Variants in RGL4 observed in about 807,000 individuals in gnomAD.
RGL4 encodes ral-GDS-related protein.
In RGL4, 41 loss-of-function variants were observed where a neutral mutation model predicts 49.6. The ratio of observed to expected loss-of-function variants is 0.83; its 90% CI spans 0.64 to 1.07. The LOEUF (loss-of-function observed/expected upper bound fraction) is 1.07, where lower values mean the gene tolerates loss of function less well. RGL4 is among the 50% of genes least tolerant of loss of function. The pLI is 0.00. For missense variants in RGL4, 610 were observed against 591.9 expected, an observed-to-expected ratio of 1.03 and a Z score of -0.32; for synonymous variants, 255 against 238.0, an observed-to-expected ratio of 1.07 and a Z score of -0.66.
At chr22:23,697,724 C>T (rs538931811) in intron 8 of RGL4, 114 bp from the exon 9 acceptor site, 47 of 1,165,328 alleles carry the variant, frequency 4.0e-5, no homozygotes, top group Non-Finnish European at 5.4e-5. Flanking sequence ...CAAGTCCTGT[C>T]GTGTGCACAT....
At position 23,698,991 on chromosome 22, in the gene RGL4, A is replaced by G; in HGVS notation, c.*108A>G. 1 of 1,557,772 alleles carries G rather than the reference A, an allele frequency of 6.4e-7. No homozygotes were observed. Among genetic ancestry groups the G allele is most frequent in the Non-Finnish European group, 8.7e-7 (1 of 1,150,444 alleles). ...TAGACACCAGGGAACCACATCTAGG[A>G]GGCTGGCAGCTCAGCTGCATCTTGC... On this transcript the variant is annotated 3_prime_UTR_variant, in exon 11 of 11. Coordinates refer to ENST00000290691, the MANE Select transcript of RGL4 (RefSeq NM_153615.2).
In RGL4 at chr22:23,698,885, C is replaced by T. The variant is rs758034225; in HGVS notation, c.*2C>T. On this transcript the variant is annotated 3_prime_UTR_variant, in exon 11 of 11. Transcript: ENST00000290691. ...CAGCTGGAGCCCGAAAACCCGTAGG[C>T]TGGCAACATCCTGCAGTGGCTGGGA... 4 of 1,612,786 alleles carry T rather than the reference C, an allele frequency of 2.5e-6. No individual in the cohort carries two copies. The highest frequency in any genetic ancestry group is 3.4e-6 in the Non-Finnish European group (4 of 1,179,506).
At chr22:23,692,283 G>T in intron 1 of RGL4, 52 bp from the exon 2 acceptor site, 1 of 1,608,794 alleles carries the variant, frequency 6.2e-7, no homozygotes, top group South Asian at 1.1e-5. Flanking sequence ...GCCCTGGAGG[G>T]TTGTGTGGGA....
chr22:23,695,084 A>C (rs773579201), intron 6 of RGL4, 65 bp downstream of exon 6: 17 of 1,219,728 alleles, frequency 1.4e-5, no homozygotes, highest in Non-Finnish European at 2.1e-5. Context: ...TGAGTTTGGA[A>C]GGGCATTGGA....
intron 6 of RGL4, among the ~76,000 whole-genome samples, chr22:23,695,848 C>T (rs1032496982): frequency 1.3e-5 from 2 of 152,172 alleles, no homozygotes; most frequent in South Asian, 2.1e-4. Flanking sequence ...TCAGAGATGG[C>T]GCATCAGGAG....
chr22:23,698,016 T>C (rs941591704), intron 9 of RGL4, 155 bp downstream of exon 9: 1 of 1,178,680 alleles, frequency 8.5e-7, no homozygotes, highest in African/African-American at 1.5e-5. Context: ...CAGGAGAAAA[T>C]GGGAAAAGCA....
intron 5 of RGL4, 46 bp downstream of exon 5, chr22:23,694,496 C>A: frequency 1.6e-6 from 2 of 1,287,186 alleles, no homozygotes; most frequent in Non-Finnish European, 2.2e-6. Flanking sequence ...GACCTAGGGA[C>A]TCACAGGTCT....
At chr22:23,696,315 G>C in intron 6 of RGL4, 1 of 1,325,062 alleles carries the variant, frequency 7.5e-7, no homozygotes, top group Non-Finnish European at 9.8e-7. Context: ...GCTCGTGCCT[G>C]GTTCTTCCTC....
At chr22:23,693,061 C>A (rs902879584) in intron 3 of RGL4, 70 bp downstream of exon 3, 1 of 1,501,796 alleles carries the variant, frequency 6.7e-7, no homozygotes, top group African/African-American at 1.4e-5. Context: ...CCCTGAGGAG[C>A]AGCCAATGCC....
chr22:23,693,352 T>C (rs1391440436), intron 3 of RGL4, among the ~76,000 whole-genome samples: 3 of 152,066 alleles, frequency 2.0e-5, no homozygotes, highest in African/African-American at 4.8e-5. Context: ...CTGGATTCTA[T>C]GGTAGACACC....
At chr22:23,694,200 G>C (rs537236982) in intron 4 of RGL4, 147 bp from the exon 5 acceptor site, 8 of 734,174 alleles carry the variant, frequency 1.1e-5, no homozygotes, top group African/African-American at 1.0e-4. Context: ...TCCTAGATGA[G>C]TGACATCCAC....
intron 8 of RGL4, 87 bp from the exon 9 acceptor site, chr22:23,697,751 C>T (rs887290411): frequency 4.2e-6 from 6 of 1,432,512 alleles, no homozygotes; most frequent in Non-Finnish European, 4.8e-6. Context: ...ACCCTGGTGG[C>T]CCTGGCAGTA....
At chr22:23,698,623 C>A (rs762031588) in intron 10 of RGL4, 2 of 740,222 alleles carry the variant, frequency 2.7e-6, no homozygotes, top group African/African-American at 3.4e-5. Context: ...CCACCTCAGC[C>A]TCCCAAAGTA....
rs1923229325 is a variant in RGL4 at position 23,692,857 on chromosome 22, C to G, written c.562C>G (p.Leu188Val). The G allele has an allele frequency of 6.2e-6, 10 of 1,613,554 alleles. No homozygotes were observed. Among genetic ancestry groups the G allele is most frequent in the Non-Finnish European group, 7.6e-6 (9 of 1,180,014 alleles). The change falls in exon 3 of 11, where the codon CTG (leucine) becomes GTG (valine). Residue 188 changes from leucine to valine, a missense_variant. Coordinates refer to ENST00000290691, the MANE Select transcript of RGL4 (RefSeq NM_153615.2). ...GGAAGGGCCCCCTCCAGGGACAGTGCTGGAGCCACAGTCAGCCCCAGAGTC... is the reference window on the plus strand; with the variant it reads ...GGAAGGGCCCCCTCCAGGGACAGTGGTGGAGCCACAGTCAGCCCCAGAGTC... ...PGEGPPPGTVLEPQSAPESSC... is the reference protein window; with the variant it reads ...PGEGPPPGTVVEPQSAPESSC...
intron 6 of RGL4, chr22:23,696,191 A>C (rs1385670122): frequency 7.7e-6 from 6 of 783,512 alleles, no homozygotes; most frequent in Non-Finnish European, 1.0e-5. Context: ...CTGGGGAGCC[A>C]CTGCCCGCTC....
rs371016621 is a variant in RGL4, at chr22:23,697,922, T to C, written c.1260+61T>C. On this transcript the variant is annotated intron_variant, in intron 9 of 10. Coordinates refer to ENST00000290691, the MANE Select transcript of RGL4 (RefSeq NM_153615.2). Reference sequence around the variant, plus strand: ...GGGATGTGGACGTCACAGTCCACCCTGGGCAGGACACTCCCTGGCTCCATC... The same window carrying C: ...GGGATGTGGACGTCACAGTCCACCCCGGGCAGGACACTCCCTGGCTCCATC... 8.4e-5 allele frequency: 131 copies of C among 1,556,030 alleles called. 3 individuals are homozygous for C. The South Asian group carries it at 1.4e-3, about 16-fold the overall frequency.
chr22:23,698,746 G>C (rs1387612217), intron 10 of RGL4, 98 bp from the exon 11 acceptor site: 9 of 1,411,430 alleles, frequency 6.4e-6, no homozygotes, highest in Non-Finnish European at 7.6e-6. Flanking sequence ...CTGTTGCATG[G>C]GGACCACTGG....
chr22:23,692,891 C>T lies in RGL4; in HGVS notation c.596C>T (p.Pro199Leu). 6.2e-7 allele frequency: 1 copy of T among 1,613,654 alleles called. No homozygotes were observed. The highest frequency in any genetic ancestry group is 8.5e-7 in the Non-Finnish European group (1 of 1,180,032). ...CAGTCAGCCCCAGAGTCCTCCTGTCCCTGTCGTGGGTCTGTAAAGAACCAA... is the reference window on the plus strand; with the variant it reads ...CAGTCAGCCCCAGAGTCCTCCTGTCTCTGTCGTGGGTCTGTAAAGAACCAA... ...EPQSAPESSC[P>L]CRGSVKNQPS... Residue 199 changes from proline to leucine, a missense_variant, in exon 3 of 11, where the codon CCC (proline) becomes CTC (leucine). Pro to Leu is a moderately conservative substitution (Grantham distance 98). Coordinates refer to ENST00000290691, the MANE Select transcript of RGL4 (RefSeq NM_153615.2).
At chr22:23,695,075 G>T in intron 6 of RGL4, 56 bp downstream of exon 6, 1 of 1,311,664 alleles carries the variant, frequency 7.6e-7, no homozygotes, top group South Asian at 1.2e-5. Flanking sequence ...AGAAAAGAGT[G>T]AGTTTGGAAG....
Sources: allele counts gnomAD v4.1 joint callset (sites outside exome capture counted in the v4.1 genomes callset), GRCh38; gene constraint gnomAD v4.1.1; transcripts MANE v1.5; gene names NCBI Gene and HGNC (gene_info 2026-07-23, HGNC 2026-07-21).